The following TEX2 variants were observed in gnomAD, a reference collection of about 807,000 sequenced individuals.
TEX2 encodes testis expressed 2, also known as testis-expressed protein 2.
TEX2 carries 53 observed loss-of-function variants against 106.9 expected under a neutral mutation model. The ratio of observed to expected loss-of-function variants is 0.50; its 90% CI spans 0.40 to 0.62. The LOEUF (loss-of-function observed/expected upper bound fraction) is 0.62, where lower values mean the gene tolerates loss of function less well. Among genes scored for constraint, TEX2 ranks in the 20% least tolerant of loss-of-function variants. The pLI, the probability that TEX2 is intolerant of heterozygous loss-of-function variation, is 0.00. For missense variants in TEX2, 1,207 were observed against 1,379.0 expected (o/e 0.88, Z 1.98); for synonymous variants, 523 against 534.8 (o/e 0.98, Z 0.30).
chr17:64,258,475 T>C (rs2034226260), intron 1 of TEX2, among the ~76,000 whole-genome samples: 1 of 152,186 alleles, frequency 6.6e-6, no homozygotes, highest in Non-Finnish European at 1.5e-5. Context: ...ATAAGATTGA[T>C]AATAGTATCT....
At chr17:64,257,713 A>G (rs145627893) in intron 1 of TEX2, among the ~76,000 whole-genome samples, 19 of 152,304 alleles carry the variant, frequency 1.2e-4, no homozygotes, top group African/African-American at 4.3e-4. Flanking sequence ...TTTACTTAAT[A>G]ACAGCCCCAA....
rs1017028234 is a variant in TEX2, at chr17:64,147,745, TATTA to T, written c.*1220_*1223del. ...TAAGGGTTCAAACATGTTTTCAATA[TATTA>T]ATTTCTTTAAAGTCATGTTCAGGCA... On this transcript the variant is annotated 3_prime_UTR_variant, in exon 12 of 12. Transcript: ENST00000584379. 2 of 152,640 alleles carry T rather than the reference TATTA, an allele frequency of 1.3e-5. No individual in the cohort carries two copies. Among genetic ancestry groups the T allele is most frequent in the Admixed American group, 6.5e-5 (1 of 15,280 alleles). The allele number at this position is 152,640 out of a possible 1,614,324, so 9.5% of individuals were successfully genotyped here. A position where few individuals can be genotyped will look rare whatever the true frequency, so the allele number is the denominator to read the frequency against.
intron 2 of TEX2, among the ~76,000 whole-genome samples, chr17:64,196,914 T>C (rs1466587320): frequency 6.6e-6 from 1 of 151,764 alleles, no homozygotes; most frequent in African/African-American, 2.4e-5. Flanking sequence ...TGACTTCACG[T>C]TGGTAGCTTT....
At chr17:64,155,239 T>C in intron 8 of TEX2, 1 of 339,154 alleles carries the variant, frequency 2.9e-6, no homozygotes. Context: ...CTTTTGAGCA[T>C]GCGTCAGAAG....
At chr17:64,169,838 C>T (rs1598133317) in intron 7 of TEX2, among the ~76,000 whole-genome samples, 1 of 152,168 alleles carries the variant, frequency 6.6e-6, no homozygotes, top group African/African-American at 2.4e-5. Flanking sequence ...ATTAGTTTTT[C>T]TCCTACCTTG....
intron 6 of TEX2, among the ~76,000 whole-genome samples, chr17:64,172,503 G>A (rs2031453317): frequency 6.6e-6 from 1 of 152,162 alleles, no homozygotes; most frequent in Non-Finnish European, 1.5e-5. Context: ...GTTGGGCATG[G>A]CCAATGGGAT....
chr17:64,253,916 G>A (rs1448809439), intron 1 of TEX2, among the ~76,000 whole-genome samples: 3 of 152,044 alleles, frequency 2.0e-5, no homozygotes, highest in Admixed American at 2.0e-4. Context: ...AAGCATCTAC[G>A]ATGCTCTGGG....
At chr17:64,179,663 G>A (rs1483121461) in intron 5 of TEX2, among the ~76,000 whole-genome samples, 2 of 151,986 alleles carry the variant, frequency 1.3e-5, no homozygotes, top group Non-Finnish European at 2.9e-5. Context: ...CCTAGGGTTC[G>A]CTTACGTTTT....
rs961567578 is a variant in TEX2 at position 64,153,542 on chromosome 17, T to A, written c.2931-388A>T. 6.6e-6 allele frequency among the ~76,000 whole-genome samples: 1 copy of A among 152,218 alleles called. No individual in the cohort carries two copies. The highest frequency in any genetic ancestry group is 1.5e-5 in the Non-Finnish European group (1 of 68,036). On this transcript the variant is annotated intron_variant, in intron 9 of 11. Coordinates refer to ENST00000584379, the MANE Select transcript of TEX2 (RefSeq NM_001288732.2). This position sits in a 1 kb window ranked among gnomAD's most constrained non-coding sequence, Gnocchi z 4.1. ...GAGGTTTCTCACCTGTCCTCCTTTA[T>A]ACTACTCCAATACCAGACAGAAATC...
chr17:64,257,278 C>A (rs1331255443), intron 1 of TEX2, among the ~76,000 whole-genome samples: 1 of 152,210 alleles, frequency 6.6e-6, no homozygotes, highest in Non-Finnish European at 1.5e-5. Context: ...ATTCTTCTCT[C>A]AATAGTCCCA....
chr17:64,239,217 G>A (rs981717555), intron 1 of TEX2: 8 of 152,172 alleles, frequency 5.3e-5, no homozygotes, highest in African/African-American at 1.9e-4. Flanking sequence ...CTTCTGCCTT[G>A]GAGGTCAAAT....
At position 64,153,137 on chromosome 17, in the gene TEX2, C is replaced by A; in HGVS notation, c.2948G>T (p.Arg983Leu). The change falls in exon 10 of 12, where the codon CGA becomes CTA. Residue 983 changes from arginine to leucine, a missense_variant. Physicochemically the swap from Arg to Leu is moderately radical, Grantham distance 102 (BLOSUM62 -2). Around this residue, in one of 3 missense-constraint regions of TEX2, gnomAD observed 63 missense variants for 112.2 expected, o/e 0.56. Transcript: ENST00000584379. This position sits in a 1 kb window ranked among gnomAD's most constrained non-coding sequence, Gnocchi z 4.1. The stretch of plus-strand genomic sequence containing the variant: ...AACAAACCTCATAATCTTACTTGTT[C>A]GATGACCTCCAACGTACCTTCAAAT... ...PGAEGYVGGH[R>L]TSKIMRFVDK... is the part of the protein sequence containing the mutation. The A allele has an allele frequency of 1.2e-6, 2 of 1,613,608 alleles. No individual in the cohort carries two copies. The highest frequency in any genetic ancestry group is 2.2e-5 in the South Asian group (2 of 91,002).
At chr17:64,163,813 T>C (rs1357885376) in intron 7 of TEX2, among the ~76,000 whole-genome samples, 1 of 152,346 alleles carries the variant, frequency 6.6e-6, no homozygotes, top group South Asian at 2.1e-4. Context: ...CATCTTCCAC[T>C]GTAACCCAGC....
At chr17:64,151,924 T>G (rs1216702718) in intron 10 of TEX2, among the ~76,000 whole-genome samples, 2 of 152,226 alleles carry the variant, frequency 1.3e-5, no homozygotes, top group East Asian at 3.8e-4. Context: ...TATCTATTTT[T>G]CACCTTTTCC....
intron 11 of TEX2, 71 bp from the exon 12 acceptor site, chr17:64,149,162 A>G: frequency 1.9e-6 from 3 of 1,554,054 alleles, no homozygotes; most frequent in Non-Finnish European, 2.6e-6. Context: ...CTTTGTTCTG[A>G]TAATTTTAGG....
At chr17:64,216,694 G>A (rs1469506048) in intron 1 of TEX2, among the ~76,000 whole-genome samples, 3 of 152,232 alleles carry the variant, frequency 2.0e-5, no homozygotes, top group Non-Finnish European at 4.4e-5. Flanking sequence ...GTCAGGCCAG[G>A]CCCCAGGGAA....
chr17:64,206,582 C>T (rs1414309257), intron 2 of TEX2, among the ~76,000 whole-genome samples: 3 of 93,482 alleles, frequency 3.2e-5, no homozygotes, highest in Middle Eastern at 9.6e-3. Context: ...TTTTTTGAGA[C>T]GGAGTTTCGT....
At chr17:64,219,942 A>T (rs2033310464) in intron 1 of TEX2, among the ~76,000 whole-genome samples, 1 of 152,198 alleles carries the variant, frequency 6.6e-6, no homozygotes. Context: ...AGATGGAAAG[A>T]TTATCCTGGA....
rs2032148284 is a variant in TEX2 at position 64,188,182 on chromosome 17, T to C, written c.2410A>G (p.Thr804Ala). ...SPLQSAESSP[T>A]AGKKLPEVPP... ...GCCAGCTTTACCTTCTTCCCAGCTG[T>C]GGGGCTGCTCTCCGCACTCTGCAGG... Residue 804 changes from threonine to alanine, a missense_variant, in exon 5 of 12, where the codon ACA (threonine) becomes GCA (alanine). This residue lies in a region of TEX2 where 1,067 missense variants were observed against 1,193.6 expected (regional missense o/e 0.89). Coordinates refer to ENST00000584379, the MANE Select transcript of TEX2 (RefSeq NM_001288732.2). 1 of 1,608,714 alleles carries C rather than the reference T, an allele frequency of 6.2e-7. No individual in the cohort carries two copies. Among genetic ancestry groups the C allele is most frequent in the African/African-American group, 1.3e-5 (1 of 74,862 alleles).
Sources: allele counts gnomAD v4.1 joint callset (sites outside exome capture counted in the v4.1 genomes callset), GRCh38; gene constraint gnomAD v4.1.1; regional missense constraint gnomAD v4.1.1; non-coding constraint Gnocchi (gnomAD v3.1); transcripts MANE v1.5; gene names NCBI Gene and HGNC (gene_info 2026-07-23, HGNC 2026-07-21).